Variants in RUFY4 observed in about 807,000 individuals in gnomAD.
RUFY4 encodes RUN and FYVE domain containing 4.
A neutral mutation model predicts 69.0 loss-of-function variants in RUFY4; 73 were observed. The observed-to-expected ratio is 1.06, with a 90% CI of 0.88 to 1.29. The LOEUF is 1.29. RUFY4 is among the 50% of genes most tolerant of loss of function. RUFY4 has a pLI of 0.00. For missense variants in RUFY4, 770 were observed against 705.6 expected (o/e 1.09, Z -1.03); for synonymous variants, 287 against 271.8 (o/e 1.06, Z -0.55).
chr2:218,071,637 C>G (rs1340855766), intron 2 of RUFY4, among the ~76,000 whole-genome samples: 1 of 152,164 alleles, frequency 6.6e-6, no homozygotes, highest in Non-Finnish European at 1.5e-5. Flanking sequence ...ACCCATCCCC[C>G]ATCTCAGCAT....
intron 2 of RUFY4, among the ~76,000 whole-genome samples, chr2:218,039,274 T>G (rs1379232665): frequency 6.6e-6 from 1 of 152,094 alleles, no homozygotes; most frequent in East Asian, 1.9e-4. Flanking sequence ...ACACTACCAT[T>G]AGAGGATGGT....
chr2:218,073,785 C>T, intron 5 of RUFY4, 31 bp from the exon 8 acceptor site: 2 of 1,612,690 alleles, frequency 1.2e-6, no homozygotes, highest in East Asian at 4.5e-5. Flanking sequence ...TGAAGAGAGG[C>T]CCAGGGTCCC....
intron 3 of RUFY4, 51 bp downstream of exon 5, chr2:218,072,550 G>A: frequency 2.0e-6 from 3 of 1,528,162 alleles, no homozygotes; most frequent in Non-Finnish European, 2.6e-6. Context: ...GTAGACATAG[G>A]CCTCCTCCTT....
chr2:218,089,343 T>C (rs759335792), exon 10 of RUFY4: 5 of 1,613,832 alleles, frequency 3.1e-6, no homozygotes, highest in Non-Finnish European at 4.2e-6. Context: ...TGGCCGATTT[T>C]CTCGGCGGTA....
intron 3 of RUFY4, chr2:218,060,258 A>C: frequency 1.0e-5 from 13 of 1,306,346 alleles, no homozygotes; most frequent in South Asian, 1.7e-5. Flanking sequence ...GAGACCAAGA[A>C]GAGCTAGTGG....
chr2:218,083,142 A>G, exon 9 of RUFY4: 1 of 1,613,632 alleles, frequency 6.2e-7, no homozygotes, highest in East Asian at 2.2e-5. Context: ...CTGCAGGCAC[A>G]GCTGGAGCAG....
At chr2:218,044,183 G>T (rs972196260) in intron 2 of RUFY4, among the ~76,000 whole-genome samples, 2 of 152,180 alleles carry the variant, frequency 1.3e-5, no homozygotes, top group African/African-American at 4.8e-5. Flanking sequence ...GGCACCCAGG[G>T]GTGGGGCTCC....
Position 218,072,294 on chromosome 2 carries a change from G to A in RUFY4, c.154-80G>A. On this transcript the variant is annotated intron_variant, in intron 2 of 10. Transcript: ENST00000344321. ...GCAGGAGCCCTCTCCTCCAGTACAT[G>A]TCCCCTCAGCAAGCTAGAATGCAGG... The A allele has an allele frequency of 2.0e-6, 3 of 1,490,160 alleles. No individual in the cohort carries two copies. In the South Asian group the frequency reaches 3.9e-5, roughly 19 times the overall value. 92.3% of individuals were successfully genotyped at this position (1,490,160 alleles called of 1,614,324 possible). A position where few individuals can be genotyped will look rare whatever the true frequency, so the allele number is the denominator to read the frequency against.
At chr2:218,045,891 G>A (rs1559421099) in intron 2 of RUFY4, among the ~76,000 whole-genome samples, 1 of 151,478 alleles carries the variant, frequency 6.6e-6, no homozygotes, top group South Asian at 2.1e-4. Flanking sequence ...TGCAAGCTCC[G>A]CCTCCGGGGT....
intron 2 of RUFY4, among the ~76,000 whole-genome samples, chr2:218,038,600 G>T (rs1440987708): frequency 6.6e-6 from 1 of 152,214 alleles, no homozygotes; most frequent in Admixed American, 6.5e-5. Context: ...CAAATTAGAT[G>T]ATCATGTTAT....
At chr2:218,042,894 T>C (rs1043174363) in intron 2 of RUFY4, among the ~76,000 whole-genome samples, 3 of 152,220 alleles carry the variant, frequency 2.0e-5, no homozygotes, top group Admixed American at 1.3e-4. Flanking sequence ...TAGTCACTCC[T>C]ATTTTTACCA....
chr2:218,044,741 G>T (rs1688788791), intron 2 of RUFY4, among the ~76,000 whole-genome samples: 1 of 152,166 alleles, frequency 6.6e-6, no homozygotes, highest in Non-Finnish European at 1.5e-5. Flanking sequence ...ATAGCCTCCA[G>T]ATATCCATTT....
At chr2:218,058,097 C>A (rs911262166) in intron 2 of RUFY4, among the ~76,000 whole-genome samples, 1 of 152,140 alleles carries the variant, frequency 6.6e-6, no homozygotes, top group African/African-American at 2.4e-5. Flanking sequence ...AAGCTTGTAC[C>A]TATTTATCTA....
upstream of RUFY4, among the ~76,000 whole-genome samples, chr2:218,066,240 G>A (rs1386593426): frequency 7.2e-6 from 1 of 139,732 alleles, no homozygotes; most frequent in Admixed American, 7.7e-5. Flanking sequence ...CTGGAGCGCA[G>A]TGGCACAATC....
chr2:218,075,502 C>T, exon 7 of RUFY4: 1 of 1,581,172 alleles, frequency 6.3e-7, no homozygotes, highest in Non-Finnish European at 8.6e-7. Context: ...AAAAAGGAAG[C>T]AGAGTGGAGT....
At chr2:218,083,446 G>C in intron 9 of RUFY4, among the ~76,000 whole-genome samples, 190 bp downstream of exon 11, 1 of 152,058 alleles carries the variant, frequency 6.6e-6, no homozygotes, top group East Asian at 1.9e-4. Context: ...AGGAAACTGA[G>C]GGTCAGAAAT....
chr2:218,071,770 C>G (rs557054411), intron 2 of RUFY4, among the ~76,000 whole-genome samples: 11 of 152,282 alleles, frequency 7.2e-5, no homozygotes, highest in African/African-American at 2.4e-4. Flanking sequence ...CACAGTGTCC[C>G]TCTCCGGGCC....
At chr2:218,064,256 G>T (rs1275322150), upstream of RUFY4, among the ~76,000 whole-genome samples, 1 of 152,156 alleles carries the variant, frequency 6.6e-6, no homozygotes. Context: ...GCCCCAGGGT[G>T]CCTCCTCCAC....
chr2:218,038,314 T>TA (rs35185904), intron 2 of RUFY4, among the ~76,000 whole-genome samples: 35,240 of 152,098 alleles, frequency 0.23, 5,275 homozygotes, highest in East Asian at 0.41. Context: ...TGGCCATAGT[T>TA]AAACATCTTA....
Sources: gnomAD v4.1 joint callset for allele counts (sites outside exome capture counted in the v4.1 genomes callset) on GRCh38, gnomAD v4.1.1 for gene constraint, MANE v1.5 for transcripts, NCBI Gene and HGNC (gene_info 2026-07-23, HGNC 2026-07-21) for gene names.